The following AOAH variants were observed in gnomAD, a reference collection of about 807,000 sequenced individuals.
The protein encoded by AOAH is acyloxyacyl hydrolase.
AOAH carries 64 observed loss-of-function variants against 92.2 expected under a neutral mutation model. That is an observed-to-expected ratio of 0.69 (90% CI 0.57 to 0.86). The LOEUF (loss-of-function observed/expected upper bound fraction) is 0.86. AOAH is among the 40% of genes least tolerant of loss of function. AOAH has a pLI of 0.00. For missense variants in AOAH, 656 were observed against 694.6 expected, an observed-to-expected ratio of 0.94 and a Z score of 0.62; for synonymous variants, 263 against 254.5, an observed-to-expected ratio of 1.03 and a Z score of -0.32.
chr7:36,696,276 T>C (rs1797703823), intron 1 of AOAH, among the ~76,000 whole-genome samples: 2 of 152,210 alleles, frequency 1.3e-5, no homozygotes, highest in Admixed American at 1.3e-4. Context: ...AATTTCTACA[T>C]AAATTTTAGA....
chr7:36,681,344 T>C (rs1321637675), intron 2 of AOAH, among the ~76,000 whole-genome samples: 1 of 152,126 alleles, frequency 6.6e-6, no homozygotes, highest in Non-Finnish European at 1.5e-5. Flanking sequence ...ATAGAGTAAT[T>C]AAGAGACTTG....
intron 20 of AOAH, among the ~76,000 whole-genome samples, chr7:36,521,153 G>A (rs1376018946): frequency 1.3e-5 from 2 of 152,014 alleles, no homozygotes; most frequent in Non-Finnish European, 1.5e-5. Flanking sequence ...GCCAGCAAGC[G>A]AGCATCCCCC....
At chr7:36,691,983 C>A in intron 1 of AOAH, among the ~76,000 whole-genome samples, 1 of 152,202 alleles carries the variant, frequency 6.6e-6, no homozygotes, top group South Asian at 2.1e-4. Flanking sequence ...CCTGTCCCTG[C>A]CATTTCATCA....
chr7:36,641,612 A>C (rs752254045), intron 4 of AOAH, among the ~76,000 whole-genome samples: 1 of 152,144 alleles, frequency 6.6e-6, no homozygotes, highest in Admixed American at 6.5e-5. Context: ...TTCCTCCTGA[A>C]GCCTTCTCAG....
At chr7:36,643,837 T>C (rs1051516325) in intron 4 of AOAH, among the ~76,000 whole-genome samples, 1 of 152,006 alleles carries the variant, frequency 6.6e-6, no homozygotes, top group African/African-American at 2.4e-5. Context: ...TGCTCTCTCT[T>C]CCTCCTGCTC....
At chr7:36,519,492 A>G (rs1784000229) in intron 20 of AOAH, among the ~76,000 whole-genome samples, 1 of 152,184 alleles carries the variant, frequency 6.6e-6, no homozygotes, top group Non-Finnish European at 1.5e-5. Flanking sequence ...GTACAATGGC[A>G]TGATCTCAGC....
intron 1 of AOAH, among the ~76,000 whole-genome samples, chr7:36,717,088 G>C (rs1799252731): frequency 6.6e-6 from 1 of 152,148 alleles, no homozygotes; most frequent in Non-Finnish European, 1.5e-5. Context: ...TAACAAATAT[G>C]GTAAACTGGG....
At chr7:36,515,289 A>G (rs1783551628) in intron 20 of AOAH, among the ~76,000 whole-genome samples, 1 of 108,934 alleles carries the variant, frequency 9.2e-6, no homozygotes, top group Admixed American at 1.1e-4. Context: ...CACTACACAC[A>G]CACCACACAC....
At chr7:36,595,049 A>G (rs1488244775) in intron 11 of AOAH, among the ~76,000 whole-genome samples, 1 of 152,246 alleles carries the variant, frequency 6.6e-6, no homozygotes, top group Admixed American at 6.5e-5. Context: ...GTTGACAAAA[A>G]TAGGATTCAT....
At chr7:36,523,436 C>T (rs542132987) in intron 19 of AOAH, among the ~76,000 whole-genome samples, 17 of 152,174 alleles carry the variant, frequency 1.1e-4, no homozygotes, top group Non-Finnish European at 2.4e-4. Context: ...GGTACCTGCT[C>T]TTCTAATAGG....
intron 4 of AOAH, among the ~76,000 whole-genome samples, chr7:36,638,937 C>T (rs1793706764): frequency 6.6e-6 from 1 of 152,174 alleles, no homozygotes; most frequent in Admixed American, 6.5e-5. Context: ...TTGCTCTGAC[C>T]ACCCAGCCTC....
At chr7:36,645,977 C>A (rs1451951669) in intron 4 of AOAH, among the ~76,000 whole-genome samples, 1 of 152,158 alleles carries the variant, frequency 6.6e-6, no homozygotes, top group African/African-American at 2.4e-5. Flanking sequence ...GCTATCGCTT[C>A]CTATTCTCCA....
chr7:36,707,592 T>C (rs1175552290), intron 1 of AOAH, among the ~76,000 whole-genome samples: 2 of 152,122 alleles, frequency 1.3e-5, no homozygotes, highest in Non-Finnish European at 2.9e-5. Flanking sequence ...TGAAGCACAA[T>C]AAAAAGAAGT....
chr7:36,531,145 C>T (rs894377353), intron 18 of AOAH, among the ~76,000 whole-genome samples: 1 of 152,130 alleles, frequency 6.6e-6, no homozygotes, highest in South Asian at 2.1e-4. Context: ...AGAGTATGTG[C>T]ATTCTCATAC....
chr7:36,595,882 C>T (rs1211969858), intron 11 of AOAH, among the ~76,000 whole-genome samples: 1 of 152,162 alleles, frequency 6.6e-6, no homozygotes, highest in Non-Finnish European at 1.5e-5. Flanking sequence ...TCCTTTAATG[C>T]TATTTTAAAA....
chr7:36,535,576 G>A (rs1028627912), intron 16 of AOAH, among the ~76,000 whole-genome samples: 20 of 152,184 alleles, frequency 1.3e-4, no homozygotes, highest in African/African-American at 4.1e-4. Flanking sequence ...CTTCAAGCCT[G>A]GCCCACTAGC....
intron 12 of AOAH, among the ~76,000 whole-genome samples, chr7:36,583,556 A>G (rs1444658858): frequency 6.6e-6 from 1 of 152,208 alleles, no homozygotes. Flanking sequence ...CCGTGGACTC[A>G]GAGAGACTGG....
At position 36,516,622 on chromosome 7, in the gene AOAH, C is replaced by T. The variant is rs1783734761; in HGVS notation, c.1600-3242G>A. The stretch of plus-strand genomic sequence containing the variant: ...ATCTCTCACACAAAGTGATCAGGAC[C>T]TTTGAAGACAGAGGCCCGGGCTTGT... On this transcript the variant is annotated intron_variant, in intron 20 of 20. Coordinates refer to ENST00000617537, the MANE Select transcript of AOAH (RefSeq NM_001637.4). The surrounding 1 kb of genome is among the most constrained non-coding windows in gnomAD (Gnocchi z 5.0). Among the ~76,000 whole-genome samples, 1 of 152,218 alleles carries T rather than the reference C, an allele frequency of 6.6e-6. No homozygotes were observed. The highest frequency in any genetic ancestry group is 2.4e-5 in the African/African-American group (1 of 41,446).
chr7:36,573,931 C>T (rs945713218), intron 13 of AOAH, among the ~76,000 whole-genome samples: 1 of 152,076 alleles, frequency 6.6e-6, no homozygotes, highest in African/African-American at 2.4e-5. Context: ...ATCAGTGTAG[C>T]CCCATAAATA....
Sources: gnomAD v4.1 joint callset for allele counts (sites outside exome capture counted in the v4.1 genomes callset) on GRCh38, gnomAD v4.1.1 for gene constraint, Gnocchi (gnomAD v3.1) non-coding constraint, MANE v1.5 for transcripts, NCBI Gene and HGNC (gene_info 2026-07-23, HGNC 2026-07-21) for gene names.